The following ANKRD31 variants were observed in gnomAD, a reference collection of about 807,000 sequenced individuals.
The protein encoded by ANKRD31 is ankyrin repeat domain-containing protein 31.
Under a neutral mutation model 186.0 loss-of-function variants are expected in ANKRD31, and 147 were observed. The ratio of observed to expected loss-of-function variants is 0.79; its 90% CI spans 0.69 to 0.91. The LOEUF (loss-of-function observed/expected upper bound fraction) is 0.91. Among genes scored for constraint, ANKRD31 ranks in the 40% least tolerant of loss-of-function variants. ANKRD31 has a pLI of 0.00. For synonymous variants in ANKRD31, 673 were observed against 736.4 expected, an observed-to-expected ratio of 0.91 and a Z score of 1.39; for missense variants, 1,986 against 2,148.8, an observed-to-expected ratio of 0.92 and a Z score of 1.50.
intron 23 of ANKRD31, among the ~76,000 whole-genome samples, chr5:75,087,896 C>T (rs576175089): frequency 6.6e-6 from 1 of 152,162 alleles, no homozygotes; most frequent in African/African-American, 2.4e-5. Context: ...CCTCCCCATT[C>T]CAGACTCTTT....
intron 15 of ANKRD31, among the ~76,000 whole-genome samples, chr5:75,141,174 A>G (rs545664308): frequency 6.6e-6 from 1 of 152,318 alleles, no homozygotes; most frequent in Admixed American, 6.5e-5. Context: ...GGCAAGAGAT[A>G]AAAAGATTAG....
intron 22 of ANKRD31, among the ~76,000 whole-genome samples, chr5:75,100,347 G>A (rs1413897858): frequency 1.3e-5 from 2 of 152,172 alleles, no homozygotes; most frequent in African/African-American, 4.8e-5. Flanking sequence ...TTCCAACTAT[G>A]TGGTCAATTT....
intron 12 of ANKRD31, among the ~76,000 whole-genome samples, chr5:75,153,592 T>C (rs1751976020): frequency 1.3e-5 from 2 of 152,074 alleles, no homozygotes; most frequent in Non-Finnish European, 2.9e-5. Flanking sequence ...CAGGAACTTC[T>C]AGGCTATTGT....
intron 23 of ANKRD31, among the ~76,000 whole-genome samples, chr5:75,085,850 G>T (rs78063247): frequency 1.4e-4 from 21 of 152,292 alleles, no homozygotes; most frequent in Admixed American, 5.9e-4. Context: ...AGCACATTCC[G>T]AGTACTCAAT....
Position 75,214,622 on chromosome 5 carries a change from C to G in ANKRD31, c.289-3757G>C, listed in dbSNP as rs114787717. The stretch of plus-strand genomic sequence containing the variant: ...TTCCATTACACACACATCAAACAAG[C>G]CTGTGGTTATTTATTTCCCCTTCAA... On this transcript the variant is annotated intron_variant, in intron 3 of 25. Transcript: ENST00000506364. Among the ~76,000 whole-genome samples, 1,281 of 152,260 alleles carry G rather than the reference C, an allele frequency of 8.4e-3. 32 individuals carry two copies. The highest frequency in any genetic ancestry group is 0.029 in the African/African-American group (1,188 of 41,552).
chr5:75,193,388 C>A lies in ANKRD31; in HGVS notation c.1221G>T (p.Lys407Asn), dbSNP rs1355681416. 3.9e-6 allele frequency: 6 copies of A among 1,537,052 alleles called. No homozygotes were observed. The highest frequency in any genetic ancestry group is 5.2e-6 in the Non-Finnish European group (6 of 1,146,730). Residue 407 changes from lysine (K) to asparagine (N), a missense_variant, in exon 8 of 26, where the codon AAG (lysine) becomes AAT (asparagine). Coordinates refer to ENST00000506364, the MANE Select transcript of ANKRD31 (RefSeq NM_001372053.1). ...RDAKYSDHMY[K>N]MPEKILPKIL... ...TTTTTGGTAAAATCTTTTCTGGCAT[C>A]TTATACATGTGATCTGAGTACTTTG...
intron 17 of ANKRD31, among the ~76,000 whole-genome samples, chr5:75,134,100 A>G (rs10269367): frequency 1.3e-5 from 2 of 152,194 alleles, no homozygotes; most frequent in Non-Finnish European, 2.9e-5. Flanking sequence ...TCACAATTAA[A>G]AGAACTAGAG....
intron 21 of ANKRD31, among the ~76,000 whole-genome samples, chr5:75,106,902 A>T (rs1747367714): frequency 6.6e-6 from 1 of 152,020 alleles, no homozygotes; most frequent in South Asian, 2.1e-4. Context: ...ACATTAAATG[A>T]TTATAGGAGA....
chr5:75,181,319 C>T (rs1230882901), intron 10 of ANKRD31, among the ~76,000 whole-genome samples: 15 of 152,094 alleles, frequency 9.9e-5, no homozygotes, highest in African/African-American at 2.7e-4. Flanking sequence ...TTGTGGAAGT[C>T]GGTGTGGCGA....
intron 10 of ANKRD31, among the ~76,000 whole-genome samples, chr5:75,181,610 C>T (rs554415953): frequency 6.6e-6 from 1 of 151,946 alleles, no homozygotes; most frequent in East Asian, 1.9e-4. Context: ...TGGAAACCAT[C>T]ATTCTCAGCA....
At chr5:75,119,881 A>C (rs1239410956) in intron 17 of ANKRD31, among the ~76,000 whole-genome samples, 29 of 152,104 alleles carry the variant, frequency 1.9e-4, no homozygotes, top group Non-Finnish European at 1.5e-5. Context: ...TTTGTTGGCC[A>C]CTTGTATACT....
chr5:75,074,876 TTAGAGC>T, intron 25 of ANKRD31, among the ~76,000 whole-genome samples: 1 of 152,204 alleles, frequency 6.6e-6, no homozygotes, highest in Non-Finnish European at 1.5e-5. Context: ...TTCAGCAAAG[TTAGAGC>T]TAAAGAACCT....
chr5:75,169,205 T>A, intron 10 of ANKRD31, 84 bp from the exon 11 acceptor site: 1 of 1,423,622 alleles, frequency 7.0e-7, no homozygotes, highest in Non-Finnish European at 9.4e-7. Flanking sequence ...CAACTTTGAT[T>A]CTAAGTTCTT....
At chr5:75,181,194 C>T (rs1561511862) in intron 10 of ANKRD31, among the ~76,000 whole-genome samples, 1 of 152,214 alleles carries the variant, frequency 6.6e-6, no homozygotes. Context: ...GATGCCATCT[C>T]ACCCCAGTTA....
intron 10 of ANKRD31, among the ~76,000 whole-genome samples, chr5:75,180,591 C>T (rs796734590): frequency 6.6e-6 from 1 of 152,142 alleles, no homozygotes; most frequent in Non-Finnish European, 1.5e-5. Flanking sequence ...ATATCTACAA[C>T]TATCTGATCT....
chr5:75,106,163 G>T (rs1052872006), intron 21 of ANKRD31, among the ~76,000 whole-genome samples: 5 of 152,026 alleles, frequency 3.3e-5, no homozygotes, highest in African/African-American at 1.2e-4. Context: ...ATATCATGTG[G>T]CATCTGAAAA....
At chr5:75,094,020 T>G (rs1746133148) in intron 22 of ANKRD31, among the ~76,000 whole-genome samples, 1 of 152,242 alleles carries the variant, frequency 6.6e-6, no homozygotes, top group Admixed American at 6.5e-5. Context: ...TGCATATTTC[T>G]TCTCTTTTTG....
intron 11 of ANKRD31, among the ~76,000 whole-genome samples, chr5:75,157,746 C>A (rs1752283751): frequency 6.6e-6 from 1 of 152,132 alleles, no homozygotes; most frequent in Admixed American, 6.6e-5. Context: ...TGGCATGAAT[C>A]CCTGTGACAC....
At chr5:75,166,968 T>TTA (rs1232902858) in intron 11 of ANKRD31, among the ~76,000 whole-genome samples, 3 of 152,174 alleles carry the variant, frequency 2.0e-5, no homozygotes, top group Admixed American at 6.5e-5. Context: ...TTAAAGAATA[T>TTA]AATTCATTGT....
Sources: allele counts gnomAD v4.1 joint callset (sites outside exome capture counted in the v4.1 genomes callset), GRCh38; gene constraint gnomAD v4.1.1; transcripts MANE v1.5; gene names NCBI Gene and HGNC (gene_info 2026-07-23, HGNC 2026-07-21).